Variants in CLDN10 observed in about 807,000 individuals in gnomAD.
CLDN10 encodes claudin-10.
Under a neutral mutation model 22.9 loss-of-function variants are expected in CLDN10, and 15 were observed. That is an observed-to-expected ratio of 0.65 (90% confidence interval 0.44 to 1.01). The LOEUF is 1.01. Ranked by LOEUF, CLDN10 falls within the 50% of genes least tolerant of loss-of-function variation. The probability of loss-of-function intolerance (pLI) is 0.00; values close to 1 mark genes in which losing one functional copy is unlikely to be tolerated. For missense variants in CLDN10, 247 were observed against 287.8 expected (o/e 0.86, Z 1.03); for synonymous variants, 114 against 111.4 (o/e 1.02, Z -0.15).
rs1231797755 is a variant in CLDN10 at position 95,434,511 on chromosome 13, ATG to A, written c.214+474_214+475del. 1.6e-3 allele frequency among the ~76,000 whole-genome samples: 221 copies of A among 136,004 alleles called. 1 individual carries two copies. Among genetic ancestry groups the A allele is most frequent in the African/African-American group, 5.4e-3 (180 of 33,048 alleles). The allele number at this position is 136,004 out of a possible 152,430, so 89.2% of individuals were successfully genotyped here. On this transcript the variant is annotated intron_variant, in intron 1 of 4. Coordinates refer to the CLDN10 transcript ENST00000376873. The stretch of plus-strand genomic sequence containing the variant: ...CACACACACACACAGAGGTATCTAT[ATG>A]TGTGTGTGTATATATATATGCACAC...
At chr13:95,452,351 A>G (rs1275533205) in intron 1 of CLDN10, among the ~76,000 whole-genome samples, 1 of 152,230 alleles carries the variant, frequency 6.6e-6, no homozygotes, top group Non-Finnish European at 1.5e-5. Flanking sequence ...GAGAAAAATC[A>G]TAATTTATTA....
At chr13:95,482,521 C>T (rs1185086259) in intron 1 of CLDN10, among the ~76,000 whole-genome samples, 2 of 152,118 alleles carry the variant, frequency 1.3e-5, no homozygotes, top group Admixed American at 6.6e-5. Context: ...CACACCTTCT[C>T]GGGCTGCCTT....
intron 1 of CLDN10, among the ~76,000 whole-genome samples, chr13:95,558,125 A>G (rs2043660775): frequency 1.3e-5 from 2 of 152,168 alleles, no homozygotes; most frequent in South Asian, 4.1e-4. Context: ...CCTCAAAACC[A>G]TAGATTAAAA....
At chr13:95,537,871 A>G (rs1486327630) in intron 1 of CLDN10, among the ~76,000 whole-genome samples, 6 of 152,190 alleles carry the variant, frequency 3.9e-5, no homozygotes. Context: ...AACCAATTAT[A>G]AGTAGAGAAT....
At chr13:95,444,027 A>T (rs1470989363) in intron 1 of CLDN10, among the ~76,000 whole-genome samples, 1 of 152,198 alleles carries the variant, frequency 6.6e-6, no homozygotes, top group East Asian at 1.9e-4. Flanking sequence ...CTTCATACTT[A>T]TCTGATTTTC....
At chr13:95,546,736 A>G (rs113946720) in intron 1 of CLDN10, among the ~76,000 whole-genome samples, 106 of 152,230 alleles carry the variant, frequency 7.0e-4, no homozygotes, top group African/African-American at 2.4e-3. Flanking sequence ...ACTAGACTGT[A>G]TTGCTTCCCA....
At chr13:95,523,115 A>G (rs1002771887) in intron 1 of CLDN10, among the ~76,000 whole-genome samples, 5 of 151,966 alleles carry the variant, frequency 3.3e-5, no homozygotes, top group Non-Finnish European at 5.9e-5. Context: ...CATACATTTT[A>G]TACTCCTTTT....
chr13:95,567,101 T>C (rs1365410208), intron 3 of CLDN10, among the ~76,000 whole-genome samples: 1 of 152,162 alleles, frequency 6.6e-6, no homozygotes, highest in Admixed American at 6.5e-5. Flanking sequence ...CTTGGCTATG[T>C]GGGCTCTCTT....
At chr13:95,468,878 CAAACTT>C (rs2042603970) in intron 1 of CLDN10, among the ~76,000 whole-genome samples, 1 of 152,094 alleles carries the variant, frequency 6.6e-6, no homozygotes. Context: ...ATTTCCAATT[CAAACTT>C]AGGATAGAAG....
At chr13:95,462,659 A>G (rs2042545783) in intron 1 of CLDN10, among the ~76,000 whole-genome samples, 1 of 152,226 alleles carries the variant, frequency 6.6e-6, no homozygotes. Context: ...GCCAGAACAC[A>G]CAAACCTGTT....
intron 1 of CLDN10, among the ~76,000 whole-genome samples, chr13:95,493,999 A>G (rs1194234889): frequency 6.6e-6 from 1 of 152,220 alleles, no homozygotes; most frequent in African/African-American, 2.4e-5. Context: ...ATATCTTACT[A>G]TGTGTCTCTA....
intron 1 of CLDN10, among the ~76,000 whole-genome samples, chr13:95,440,274 G>T (rs9590271): frequency 0.021 from 3,159 of 152,268 alleles, 115 homozygotes; most frequent in African/African-American, 0.072. Flanking sequence ...CATTCTCTAA[G>T]ATCCTGATGC....
rs149941640 is a variant in CLDN10 at position 95,566,359 on chromosome 13, A to G, written c.464+5896A>G. ...GTATCTCATTGTGGTTTTGATTTGC[A>G]TTTCTCTGATGAGCAGTGATGATGA... On this transcript the variant is annotated intron_variant, in intron 3 of 4. Coordinates refer to ENST00000299339, the MANE Select transcript of CLDN10 (RefSeq NM_006984.5). Among the ~76,000 whole-genome samples, 859 of 152,224 alleles carry G rather than the reference A, an allele frequency of 5.6e-3. 10 individuals carry two copies. The highest frequency in any genetic ancestry group is 0.02 in the African/African-American group (830 of 41,538).
chr13:95,539,463 A>G (rs1231070611), intron 1 of CLDN10, among the ~76,000 whole-genome samples: 2 of 152,094 alleles, frequency 1.3e-5, no homozygotes, highest in Non-Finnish European at 2.9e-5. Context: ...GAGGTTTGCT[A>G]TATTCATTGG....
At chr13:95,510,224 A>G (rs2043082123) in intron 1 of CLDN10, among the ~76,000 whole-genome samples, 1 of 151,742 alleles carries the variant, frequency 6.6e-6, no homozygotes, top group African/African-American at 2.4e-5. Flanking sequence ...AGAACACTTG[A>G]CAAGGGAGAA....
intron 1 of CLDN10, among the ~76,000 whole-genome samples, chr13:95,475,304 T>C (rs2042675228): frequency 6.6e-6 from 1 of 152,144 alleles, no homozygotes; most frequent in South Asian, 2.1e-4. Flanking sequence ...TTGGGAGAAA[T>C]AACCTTGGTT....
chr13:95,529,132 T>C (rs1202578831), intron 1 of CLDN10, among the ~76,000 whole-genome samples: 1 of 152,172 alleles, frequency 6.6e-6, no homozygotes, highest in Non-Finnish European at 1.5e-5. Context: ...TTTGTCTTAA[T>C]ATCATATGGA....
chr13:95,494,548 T>C (rs1280273866), intron 1 of CLDN10, among the ~76,000 whole-genome samples: 3 of 152,242 alleles, frequency 2.0e-5, no homozygotes, highest in Non-Finnish European at 1.5e-5. Context: ...GTCAACATTT[T>C]TAGTGTTAAA....
chr13:95,472,160 C>G (rs1360338387), intron 1 of CLDN10, among the ~76,000 whole-genome samples: 1 of 151,932 alleles, frequency 6.6e-6, no homozygotes, highest in Non-Finnish European at 1.5e-5. Flanking sequence ...TTTGAGTAAT[C>G]AAAAACCACT....
Sources: allele counts gnomAD v4.1 joint callset (sites outside exome capture counted in the v4.1 genomes callset), GRCh38; gene constraint gnomAD v4.1.1; transcripts MANE v1.5; gene names NCBI Gene and HGNC (gene_info 2026-07-23, HGNC 2026-07-21).